Variants in ZNF516 observed in about 807,000 individuals in gnomAD.
ZNF516 encodes the protein zinc finger protein 516.
A neutral mutation model predicts 79.7 loss-of-function variants in ZNF516; 19 were observed. That is an observed-to-expected ratio of 0.24 (90% CI 0.17 to 0.35). The LOEUF is 0.35. ZNF516 is among the 10% of genes least tolerant of loss of function. The pLI is 1.00. For synonymous variants in ZNF516, 877 were observed against 739.5 expected (o/e 1.19, Z -3.02); for missense variants, 1,678 against 1,679.5 (o/e 1.00, Z 0.02).
chr18:76,440,413 G>C (rs1021967090), intron 3 of ZNF516, among the ~76,000 whole-genome samples: 1 of 152,198 alleles, frequency 6.6e-6, no homozygotes, highest in African/African-American at 2.4e-5. Context: ...GCGTTGCAGA[G>C]AAGGGAAAAA....
intron 1 of ZNF516, chr18:76,490,138 A>T (rs1250871400): frequency 3.0e-6 from 3 of 984,778 alleles, no homozygotes; most frequent in Non-Finnish European, 3.6e-6. Context: ...TGTGAGTCTT[A>T]CACAGAATTC....
At chr18:76,365,929 C>G (rs2074605927) in intron 6 of ZNF516, among the ~76,000 whole-genome samples, 1 of 152,168 alleles carries the variant, frequency 6.6e-6, no homozygotes, top group Non-Finnish European at 1.5e-5. Flanking sequence ...TTCCAAGGCT[C>G]CAGGCATCCT....
chr18:76,361,345 A>T lies in ZNF516; in HGVS notation c.*1153T>A, dbSNP rs1429614057. Reference sequence around the variant, plus strand: ...TATGGGCCTTAACCCCCACCACAAAAACTCGCATTTGCATTACTGAGGAAG... The same window carrying T: ...TATGGGCCTTAACCCCCACCACAAATACTCGCATTTGCATTACTGAGGAAG... On this transcript the variant is annotated 3_prime_UTR_variant, in exon 7 of 7. Coordinates refer to ENST00000443185, the MANE Select transcript of ZNF516 (RefSeq NM_014643.4). The T allele has an allele frequency of 3.9e-5, 6 of 152,244 alleles. No individual in the cohort carries two copies. The highest frequency in any genetic ancestry group is 3.9e-4 in the Admixed American group (6 of 15,282). The allele number at this position is 152,244 out of a possible 1,614,324, so 9.4% of individuals were successfully genotyped here. A position where few individuals can be genotyped will look rare whatever the true frequency, so the allele number is the denominator to read the frequency against.
chr18:76,421,101 A>T (rs1457126006), intron 3 of ZNF516, among the ~76,000 whole-genome samples: 1 of 152,224 alleles, frequency 6.6e-6, no homozygotes, highest in Non-Finnish European at 1.5e-5. Flanking sequence ...CTGCTCAAAG[A>T]TCAACATGCA....
At chr18:76,403,236 A>G (rs1052260277) in intron 3 of ZNF516, among the ~76,000 whole-genome samples, 1 of 152,224 alleles carries the variant, frequency 6.6e-6, no homozygotes. Context: ...TGCACCCGTT[A>G]AGACACTTCC....
chr18:76,421,883 C>T (rs771021402), intron 3 of ZNF516, among the ~76,000 whole-genome samples: 1 of 152,206 alleles, frequency 6.6e-6, no homozygotes. Flanking sequence ...GGGTCTGGTG[C>T]CCAAGTCATC....
intron 1 of ZNF516, chr18:76,487,884 A>G (rs1375142876): frequency 2.1e-6 from 2 of 973,346 alleles, no homozygotes; most frequent in Non-Finnish European, 1.2e-6. Flanking sequence ...ACTTTCGGCC[A>G]GTCAGGTGGA....
At chr18:76,430,509 C>T (rs997679671) in intron 3 of ZNF516, among the ~76,000 whole-genome samples, 1 of 152,164 alleles carries the variant, frequency 6.6e-6, no homozygotes, top group African/African-American at 2.4e-5. Flanking sequence ...GAATCAATCA[C>T]TGGATTATCA....
chr18:76,472,402 C>A (rs754112306), intron 1 of ZNF516, among the ~76,000 whole-genome samples: 5 of 152,166 alleles, frequency 3.3e-5, no homozygotes, highest in Non-Finnish European at 7.3e-5. Flanking sequence ...CACGGGCACA[C>A]TTGCAAACGT....
chr18:76,437,773 C>CA (rs908201527), intron 3 of ZNF516, among the ~76,000 whole-genome samples: 14 of 151,578 alleles, frequency 9.2e-5, no homozygotes, highest in South Asian at 2.1e-4. Flanking sequence ...TAGGGAATAA[C>CA]AAAAAAAAGC....
At chr18:76,370,450 T>G in intron 6 of ZNF516, 78 bp downstream of exon 6, 1 of 1,340,948 alleles carries the variant, frequency 7.5e-7, no homozygotes, top group Non-Finnish European at 1.0e-6. Context: ...AAGGTCATGC[T>G]TCAGTGATGA....
chr18:76,416,107 C>T (rs1286158922), intron 3 of ZNF516, among the ~76,000 whole-genome samples: 1 of 152,208 alleles, frequency 6.6e-6, no homozygotes, highest in African/African-American at 2.4e-5. Flanking sequence ...CACAGAATCA[C>T]TAAATCTTAC....
rs1172048914 is a variant in ZNF516 at position 76,358,315 on chromosome 18, T to C, written c.*4183A>G. 6.6e-6 allele frequency: 1 copy of C among 152,258 alleles called. No homozygotes were observed. The highest frequency in any genetic ancestry group is 1.9e-4 in the East Asian group (1 of 5,204). 9.4% of individuals were successfully genotyped at this position (152,258 alleles called of 1,614,324 possible). A position where few individuals can be genotyped will look rare whatever the true frequency, so the allele number is the denominator to read the frequency against. ...TCAGAAATAGTTAAATACATCAATC[T>C]AGTTACAAATTCTAATATAAAGAGT... On this transcript the variant is annotated 3_prime_UTR_variant, in exon 7 of 7. Coordinates refer to ENST00000443185, the MANE Select transcript of ZNF516 (RefSeq NM_014643.4).
rs140947172 is a variant in ZNF516, at chr18:76,400,373, T to A, written c.1811-20070A>T. Among the ~76,000 whole-genome samples the A allele has an allele frequency of 2.3e-3, 355 of 152,366 alleles. 1 individual carries two copies. The highest frequency in any genetic ancestry group is 4.2e-3 in the Non-Finnish European group (284 of 68,040). On this transcript the variant is annotated intron_variant, in intron 3 of 6. Transcript: ENST00000443185. ...ATGTGTGTCTTCTGGTAAGACGGAC[T>A]GAATAATTTGAGAAACAGCTATTTC...
chr18:76,363,756 GCTCA>G (rs2074574760), intron 6 of ZNF516, among the ~76,000 whole-genome samples: 1 of 152,200 alleles, frequency 6.6e-6, no homozygotes, highest in African/African-American at 2.4e-5. Flanking sequence ...CATCAACAGG[GCTCA>G]CTAAGAACCA....
intron 3 of ZNF516, among the ~76,000 whole-genome samples, chr18:76,403,555 G>A (rs965608191): frequency 3.9e-5 from 6 of 152,168 alleles, no homozygotes; most frequent in African/African-American, 1.4e-4. Context: ...ACTGTACAAT[G>A]AGATACAGAG....
At chr18:76,427,967 G>A (rs1035603801) in intron 3 of ZNF516, among the ~76,000 whole-genome samples, 12 of 152,110 alleles carry the variant, frequency 7.9e-5, no homozygotes, top group Admixed American at 3.9e-4. Flanking sequence ...AAGAATTATT[G>A]AGGGCATGGA....
At chr18:76,383,588 CCACCAGGCACCTTCT>C (rs988883867) in intron 3 of ZNF516, among the ~76,000 whole-genome samples, 1 of 147,464 alleles carries the variant, frequency 6.8e-6, no homozygotes, top group Non-Finnish European at 1.5e-5. Flanking sequence ...ACCCTCTTCC[CCACCAGGCACCTTCT>C]CGCCAGGGAC....
intron 2 of ZNF516, among the ~76,000 whole-genome samples, chr18:76,458,075 A>G (rs1360811470): frequency 6.6e-6 from 1 of 152,186 alleles, no homozygotes; most frequent in Non-Finnish European, 1.5e-5. Context: ...GCAGAGGGCC[A>G]TTTTTCTCCT....
Sources: allele counts gnomAD v4.1 joint callset (sites outside exome capture counted in the v4.1 genomes callset), GRCh38; gene constraint gnomAD v4.1.1; transcripts MANE v1.5; gene names NCBI Gene and HGNC (gene_info 2026-07-23, HGNC 2026-07-21).